RABGAP1L: variants seen among roughly 807,000 people sequenced by gnomAD.
RABGAP1L encodes the protein rab GTPase-activating protein 1-like.
RABGAP1L carries 63 observed loss-of-function variants against 137.7 expected under a neutral mutation model. The observed-to-expected ratio is 0.46, with a 90% confidence interval of 0.37 to 0.56. The LOEUF is 0.56. RABGAP1L is among the 20% of genes least tolerant of loss of function. RABGAP1L has a pLI of 0.00. For missense variants in RABGAP1L, 1,095 were observed against 1,244.0 expected (o/e 0.88, Z 1.80); for synonymous variants, 431 against 433.7 (o/e 0.99, Z 0.08).
chr1:174,979,561 T>C (rs1670923482), intron 23 of RABGAP1L, among the ~76,000 whole-genome samples: 1 of 152,254 alleles, frequency 6.6e-6, no homozygotes, highest in Non-Finnish European at 1.5e-5. Flanking sequence ...TTGTATTAAA[T>C]GGCAGTAGCT....
intron 1 of RABGAP1L, among the ~76,000 whole-genome samples, chr1:174,181,338 T>C (rs1366527233): frequency 6.7e-6 from 1 of 150,020 alleles, no homozygotes; most frequent in Non-Finnish European, 1.5e-5. Context: ...CTTTCTTTTT[T>C]TCTTTTTTTT....
chr1:174,720,445 C>A (rs1176807621), intron 17 of RABGAP1L, among the ~76,000 whole-genome samples: 1 of 152,012 alleles, frequency 6.6e-6, no homozygotes, highest in Non-Finnish European at 1.5e-5. Flanking sequence ...TCCTGAGTGG[C>A]TGGGACTACA....
chr1:174,444,381 A>C (rs527243659), intron 13 of RABGAP1L, among the ~76,000 whole-genome samples: 1 of 151,952 alleles, frequency 6.6e-6, no homozygotes, highest in South Asian at 2.1e-4. Context: ...TTTCTCAGGG[A>C]TATTGGCCTC....
At position 174,664,730 on chromosome 1, in the gene RABGAP1L, CTTTCTTT is replaced by C. The variant is rs1029662477; in HGVS notation, c.1825-18788_1825-18782del. ...CTCTCTCTTTCTTTCTTTCTTTCTG[CTTTCTTT>C]TTTTTTTTTTTTTTTTTTGACAGAG... On this transcript the variant is annotated intron_variant, in intron 14 of 25. Coordinates refer to ENST00000681986, the MANE Select transcript of RABGAP1L (RefSeq NM_001366446.1). Among the ~76,000 whole-genome samples the C allele has an allele frequency of 8.1e-5, 8 of 98,914 alleles. 1 individual carries two copies. Among genetic ancestry groups the C allele is most frequent in the African/African-American group, 3.2e-4 (5 of 15,656 alleles). The allele number at this position is 98,914 out of a possible 152,430, so 64.9% of individuals were successfully genotyped here. A position where few individuals can be genotyped will look rare whatever the true frequency, so the allele number is the denominator to read the frequency against.
chr1:174,982,983 C>T, intron 24 of RABGAP1L, 78 bp downstream of exon 24: 1 of 1,382,384 alleles, frequency 7.2e-7, no homozygotes. Flanking sequence ...GAACCCCAAA[C>T]ACCACCATTT....
At chr1:174,389,863 T>G (rs1687082389) in intron 12 of RABGAP1L, among the ~76,000 whole-genome samples, 2 of 152,124 alleles carry the variant, frequency 1.3e-5, no homozygotes, top group Admixed American at 6.5e-5. Context: ...ATATTTGATT[T>G]ATGTATGACT....
At chr1:174,492,911 C>A (rs80353937) in intron 13 of RABGAP1L, among the ~76,000 whole-genome samples, 2,863 of 151,954 alleles carry the variant, frequency 0.019, 42 homozygotes, top group Middle Eastern at 0.078. Context: ...CTTTTTGTTT[C>A]CATAGCACCT....
chr1:174,777,254 G>T (rs1330153190), intron 18 of RABGAP1L, among the ~76,000 whole-genome samples: 1 of 152,182 alleles, frequency 6.6e-6, no homozygotes, highest in Non-Finnish European at 1.5e-5. Context: ...ATGCATCTCA[G>T]CTCCATGAGA....
chr1:174,349,722 C>T (rs1233340705), intron 11 of RABGAP1L, among the ~76,000 whole-genome samples: 32 of 136,030 alleles, frequency 2.4e-4, no homozygotes, highest in Non-Finnish European at 4.4e-4. Flanking sequence ...GGCGGCTGGC[C>T]GGGCGGGGGG....
At chr1:174,792,301 T>A (rs888901363) in intron 18 of RABGAP1L, among the ~76,000 whole-genome samples, 5 of 152,236 alleles carry the variant, frequency 3.3e-5, no homozygotes, top group African/African-American at 1.2e-4. Context: ...AGAGATACTG[T>A]CCAAAGTGTG....
intron 17 of RABGAP1L, among the ~76,000 whole-genome samples, chr1:174,722,567 A>G (rs1259248117): frequency 6.6e-6 from 1 of 151,714 alleles, no homozygotes; most frequent in African/African-American, 2.4e-5. Flanking sequence ...CCCCTGCCTC[A>G]GCCTCCCAAG....
intron 11 of RABGAP1L, among the ~76,000 whole-genome samples, chr1:174,364,815 A>G (rs1279859417): frequency 6.6e-6 from 1 of 152,156 alleles, no homozygotes; most frequent in Non-Finnish European, 1.5e-5. Context: ...GTGGTTGTTC[A>G]GGGCCCAAGA....
chr1:174,245,497 A>G lies in RABGAP1L; in HGVS notation c.717+3840A>G, dbSNP rs538863416. ...AATCAATTGATTTTTATGATTTTAA[A>G]AAAGTTTCCTGGTAGTGTGCCTCTT... On this transcript the variant is annotated intron_variant, in intron 5 of 25. Transcript: ENST00000681986. 8 of 152,272 alleles carry G rather than the reference A, an allele frequency of 5.3e-5. No individual in the cohort carries two copies. The East Asian group carries it at 1.4e-3, about 26-fold the overall frequency. The allele number at this position is 152,272 out of a possible 1,614,324, so 9.4% of individuals were successfully genotyped here. A position where few individuals can be genotyped will look rare whatever the true frequency, so the allele number is the denominator to read the frequency against.
intron 11 of RABGAP1L, among the ~76,000 whole-genome samples, chr1:174,328,060 C>T (rs1462121643): frequency 7.3e-6 from 1 of 136,090 alleles, no homozygotes; most frequent in Non-Finnish European, 1.5e-5. Context: ...ATAAAGCAAA[C>T]ATTAATAGAG....
chr1:174,466,648 G>C (rs369515991), intron 13 of RABGAP1L, among the ~76,000 whole-genome samples: 5 of 152,242 alleles, frequency 3.3e-5, no homozygotes, highest in Middle Eastern at 3.4e-3. Flanking sequence ...CTAGCCAGGC[G>C]TGGTGGCACA....
At chr1:174,247,714 G>C (rs1242081065) in intron 5 of RABGAP1L, among the ~76,000 whole-genome samples, 1 of 152,138 alleles carries the variant, frequency 6.6e-6, no homozygotes, top group Non-Finnish European at 1.5e-5. Flanking sequence ...GGGAGGGCCA[G>C]CTTTTTCCAC....
At chr1:174,921,037 C>T (rs1033712201) in intron 19 of RABGAP1L, among the ~76,000 whole-genome samples, 12 of 152,188 alleles carry the variant, frequency 7.9e-5, no homozygotes, top group African/African-American at 2.9e-4. Flanking sequence ...ATTCTCCTGC[C>T]TCAGCTTCCT....
At chr1:174,370,422 T>C (rs1239737544) in intron 11 of RABGAP1L, among the ~76,000 whole-genome samples, 1 of 146,542 alleles carries the variant, frequency 6.8e-6, no homozygotes, top group Non-Finnish European at 1.5e-5. Flanking sequence ...AAAATTGCCA[T>C]ATAAAAAGGC....
chr1:174,925,347 T>A, intron 19 of RABGAP1L, among the ~76,000 whole-genome samples: 1 of 95,320 alleles, frequency 1.0e-5, no homozygotes. Flanking sequence ...GACTCGAGAC[T>A]CCGTCTCAAA....
Sources: gnomAD v4.1 joint callset for allele counts (sites outside exome capture counted in the v4.1 genomes callset) on GRCh38, gnomAD v4.1.1 for gene constraint, MANE v1.5 for transcripts, NCBI Gene and HGNC (gene_info 2026-07-23, HGNC 2026-07-21) for gene names.